The following ANKAR variants were observed in gnomAD, a reference collection of about 807,000 sequenced individuals.
ANKAR encodes the protein ankyrin and armadillo repeat containing.
ANKAR carries 136 observed loss-of-function variants against 146.2 expected under a neutral mutation model. The observed-to-expected ratio is 0.93, with a 90% CI of 0.81 to 1.07. The LOEUF (loss-of-function observed/expected upper bound fraction) is 1.07, where lower values mean the gene tolerates loss of function less well. ANKAR is among the 50% of genes least tolerant of loss of function. The pLI is 0.00. For synonymous variants in ANKAR, 500 were observed against 575.8 expected (o/e 0.87, Z 1.88); for missense variants, 1,567 against 1,679.9 (o/e 0.93, Z 1.18).
chr2:189,692,140 T>C (rs768333297), intron 3 of ANKAR, 115 bp from the exon 4 acceptor site: 7 of 868,974 alleles, frequency 8.1e-6, no homozygotes, highest in Non-Finnish European at 1.2e-5. Context: ...GCCAAGATTT[T>C]AATTTCATCT....
intron 11 of ANKAR, 61 bp downstream of exon 11, chr2:189,719,874 C>T: frequency 6.9e-7 from 1 of 1,448,714 alleles, no homozygotes; most frequent in East Asian, 2.3e-5. Flanking sequence ...ATAGAAGTTA[C>T]AAAAATAGAA....
At chr2:189,746,950 C>G (rs962593492), downstream of ANKAR, 1 of 172,168 alleles carries the variant, frequency 5.8e-6, no homozygotes, top group African/African-American at 2.4e-5. Context: ...TTCAAAGTAG[C>G]TCACATGGTA....
In ANKAR at chr2:189,727,285, C is replaced by G. The variant is rs568730878; in HGVS notation, c.2636-571C>G. Among the ~76,000 whole-genome samples, 8 of 152,098 alleles carry G rather than the reference C, an allele frequency of 5.3e-5. 1 individual carries two copies. The East Asian group carries it at 1.5e-3, about 29-fold the overall frequency. ...ACACAGTAACATTGATACTTTTGAA[C>G]TCTGATTATGGAAGGCTAAGATGCT... On this transcript the variant is annotated intron_variant, in intron 12 of 22. Transcript: ENST00000684021.
chr2:189,677,793 G>A (rs2105724772), intron 2 of ANKAR, among the ~76,000 whole-genome samples: 1 of 151,618 alleles, frequency 6.6e-6, no homozygotes, highest in East Asian at 1.9e-4. Flanking sequence ...TTACAGACAT[G>A]TGCCACTGCA....
rs540220920 is a variant in ANKAR at position 189,697,469 on chromosome 2, G to A, written c.1708+1100G>A. Among the ~76,000 whole-genome samples, 6 of 152,022 alleles carry A rather than the reference G, an allele frequency of 3.9e-5. No homozygotes were observed. In the South Asian group the frequency reaches 6.2e-4, roughly 16 times the overall value. ...TAAGCTATGTTAAATTTTTACAGAC[G>A]CCAAAACAAAATGTTTTGCTTTAAC... On this transcript the variant is annotated intron_variant, in intron 7 of 22. Transcript: ENST00000684021.
At chr2:189,715,370 C>T (rs1298044765) in intron 10 of ANKAR, among the ~76,000 whole-genome samples, 1 of 152,118 alleles carries the variant, frequency 6.6e-6, no homozygotes, top group Non-Finnish European at 1.5e-5. Context: ...ACACATACAA[C>T]CTCCCAAGAG....
intron 20 of ANKAR, among the ~76,000 whole-genome samples, chr2:189,742,890 AC>A (rs112909763): frequency 0.015 from 1,796 of 122,850 alleles, 44 homozygotes; most frequent in African/African-American, 0.016. Context: ...ACACACACAC[AC>A]ACTAGAATTA....
At chr2:189,727,045 A>G (rs1421313437) in intron 12 of ANKAR, among the ~76,000 whole-genome samples, 2 of 152,180 alleles carry the variant, frequency 1.3e-5, no homozygotes, top group African/African-American at 2.4e-5. Context: ...AATGCAAAAC[A>G]AGATGAGACA....
chr2:189,711,801 C>T (rs1448487948), intron 10 of ANKAR, among the ~76,000 whole-genome samples: 7 of 152,236 alleles, frequency 4.6e-5, no homozygotes, highest in African/African-American at 1.7e-4. Context: ...ATCGCCTCAC[C>T]TGGGAAGCAC....
chr2:189,711,879 G>A (rs2039739801), intron 10 of ANKAR, among the ~76,000 whole-genome samples: 1 of 152,190 alleles, frequency 6.6e-6, no homozygotes, highest in Non-Finnish European at 1.5e-5. Context: ...AAAAAACGGG[G>A]CATTCATGCC....
chr2:189,750,454 A>T (rs1454896199), downstream of ANKAR: 53 of 574,358 alleles, frequency 9.2e-5, no homozygotes, highest in South Asian at 1.0e-3. Flanking sequence ...TCAAATAGAA[A>T]AAAAAAAATA....
Position 189,741,350 on chromosome 2 carries a change from A to G in ANKAR, c.3709A>G (p.Ile1237Val). The change falls in exon 20 of 23, where the codon ATA becomes GTA. Residue 1237 changes from isoleucine to valine, a missense_variant. Transcript: ENST00000684021. ...TCTTGTTTAATTTATAGGGAATTTA[A>G]TAGCAAGCCTGGCTCATTCTAGAGC... ...TSTIVLTGNL[I>V]ASLAHSRAGI... 1 of 1,593,806 alleles carries G rather than the reference A, an allele frequency of 6.3e-7. No individual in the cohort carries two copies. Among genetic ancestry groups the G allele is most frequent in the Non-Finnish European group, 8.5e-7 (1 of 1,172,930 alleles).
rs2042050944 is a variant in ANKAR at position 189,728,027 on chromosome 2, G to A, written c.2807G>A (p.Ser936Asn). Reference protein sequence around the residue: ...KGAMAVESLASHNALIQKAFL... With the variant: ...KGAMAVESLANHNALIQKAFL... ...GCAATGGCTGTGGAATCACTGGCAA[G>A]TCACAACGCTCTTATACAGAAAGCA... The change falls in exon 13 of 23, where the codon AGT becomes AAT. Residue 936 changes from serine (S) to asparagine (N), a missense_variant. Coordinates refer to ENST00000684021, the MANE Select transcript of ANKAR (RefSeq NM_001378068.1). The A allele has an allele frequency of 1.2e-6, 2 of 1,613,958 alleles. No homozygotes were observed. The highest frequency in any genetic ancestry group is 1.7e-6 in the Non-Finnish European group (2 of 1,179,940).
rs754435911 is a variant in ANKAR at position 189,719,781 on chromosome 2, C to T, written c.2434C>T (p.Gln812Ter). 14 of 1,591,010 alleles carry T rather than the reference C, an allele frequency of 8.8e-6. No individual in the cohort carries two copies. Among genetic ancestry groups the T allele is most frequent in the African/African-American group, 1.3e-5 (1 of 74,630 alleles). The change falls in exon 11 of 23, where the codon CAA (glutamine) becomes TAA (stop). Residue 812 changes from glutamine to a stop codon, truncating the protein, a stop_gained. Transcript: ENST00000684021. LOFTEE classifies it high-confidence loss of function. The stretch of plus-strand genomic sequence containing the variant: ...TGCTGTCATTCTATATGATATTGCT[C>T]AATGTGAAAACAAGGATGTTATTGC... ...RCAVILYDIA[Q>*]CENKDVIAKY... is the part of the protein sequence containing the mutation.
chr2:189,700,832 A>G (rs554424948), intron 7 of ANKAR, among the ~76,000 whole-genome samples: 2 of 152,290 alleles, frequency 1.3e-5, no homozygotes, highest in African/African-American at 4.8e-5. Context: ...ATGACCTCCA[A>G]TTCCATCCAT....
chr2:189,743,126 C>T (rs557226723), intron 20 of ANKAR, 149 bp from the exon 21 acceptor site: 15 of 681,176 alleles, frequency 2.2e-5, no homozygotes, highest in South Asian at 1.0e-4. Flanking sequence ...GTTAAGCTTC[C>T]GTCTATACAC....
intron 12 of ANKAR, among the ~76,000 whole-genome samples, chr2:189,721,335 A>T (rs1245607147): frequency 6.6e-6 from 1 of 152,166 alleles, no homozygotes; most frequent in Non-Finnish European, 1.5e-5. Context: ...ATTGACTCTC[A>T]AAGGCATATT....
intron 10 of ANKAR, among the ~76,000 whole-genome samples, chr2:189,714,807 G>A (rs1426300953): frequency 8.6e-5 from 13 of 151,930 alleles, no homozygotes; most frequent in East Asian, 1.9e-4. Flanking sequence ...TTAGCCAGGC[G>A]TGGTGGTGGG....
downstream of ANKAR, chr2:189,746,845 C>T: frequency 5.0e-6 from 2 of 398,768 alleles, no homozygotes; most frequent in South Asian, 4.6e-5. Flanking sequence ...CAAAGGCCTG[C>T]ACTTAAACCT....
Sources: gnomAD v4.1 joint callset for allele counts (sites outside exome capture counted in the v4.1 genomes callset) on GRCh38, gnomAD v4.1.1 for gene constraint, MANE v1.5 for transcripts, NCBI Gene and HGNC (gene_info 2026-07-23, HGNC 2026-07-21) for gene names.